Variants in RMDN2 observed in about 807,000 individuals in gnomAD.
RMDN2 encodes the protein regulator of microtubule dynamics 2.
A neutral mutation model predicts 52.8 loss-of-function variants in RMDN2; 61 were observed. The ratio of observed to expected loss-of-function variants is 1.16; its 90% CI spans 0.94 to 1.43. RMDN2 has a LOEUF of 1.43. Among genes scored for constraint, RMDN2 ranks in the 40% most tolerant of loss-of-function variants. RMDN2 has a pLI of 0.00. For missense variants in RMDN2, 592 were observed against 475.3 expected (o/e 1.25, Z -2.28); for synonymous variants, 180 against 153.1 (o/e 1.18, Z -1.30).
chr2:37,937,389 G>T (rs913085002), intron 2 of RMDN2, among the ~76,000 whole-genome samples: 1 of 152,048 alleles, frequency 6.6e-6, no homozygotes, highest in Non-Finnish European at 1.5e-5. Flanking sequence ...GTTCCTTTTT[G>T]GTTCCATATG....
intron 10 of RMDN2, among the ~76,000 whole-genome samples, chr2:38,057,174 A>G (rs1306613705): frequency 6.6e-6 from 1 of 152,212 alleles, no homozygotes; most frequent in African/African-American, 2.4e-5. Context: ...TGAGAAATAG[A>G]TGGTGCAGAC....
chr2:37,948,827 G>T (rs868801364), intron 2 of RMDN2, among the ~76,000 whole-genome samples: 1 of 152,064 alleles, frequency 6.6e-6, no homozygotes, highest in Non-Finnish European at 1.5e-5. Context: ...GAATAAGGTC[G>T]GGGGAGTGAT....
At chr2:37,937,837 A>C (rs940773761) in intron 2 of RMDN2, among the ~76,000 whole-genome samples, 1 of 152,202 alleles carries the variant, frequency 6.6e-6, no homozygotes, top group Admixed American at 6.5e-5. Flanking sequence ...ATCTGCAAAC[A>C]GAGATAATTT....
At chr2:37,991,337 T>C in intron 7 of RMDN2, 40 bp downstream of exon 7, 1 of 1,003,506 alleles carries the variant, frequency 1.0e-6, no homozygotes, top group Non-Finnish European at 1.4e-6. Context: ...TATTTGAATA[T>C]ACTATGATTA....
intron 2 of RMDN2, among the ~76,000 whole-genome samples, chr2:37,932,983 G>A (rs562745340): frequency 6.6e-6 from 1 of 151,366 alleles, no homozygotes; most frequent in South Asian, 2.1e-4. Flanking sequence ...CCCAGACGGG[G>A]TGGCTGCTGG....
At chr2:37,952,237 C>T (rs1668922108) in intron 2 of RMDN2, 3 of 1,599,904 alleles carry the variant, frequency 1.9e-6, no homozygotes, top group Non-Finnish European at 2.6e-6. Context: ...AGAAGGGCAC[C>T]TCAAATAGTT....
chr2:38,014,134 C>T (rs773985863), intron 10 of RMDN2, among the ~76,000 whole-genome samples: 1 of 152,056 alleles, frequency 6.6e-6, no homozygotes, highest in Non-Finnish European at 1.5e-5. Context: ...ATCTCTTGAA[C>T]CTGGGAGGCA....
At chr2:37,990,886 G>A (rs1484337208) in intron 6 of RMDN2, among the ~76,000 whole-genome samples, 1 of 152,078 alleles carries the variant, frequency 6.6e-6, no homozygotes, top group Non-Finnish European at 1.5e-5. Flanking sequence ...CATGTCATTT[G>A]ATATTTGTAA....
At chr2:37,950,972 C>A (rs1054962617) in intron 2 of RMDN2, among the ~76,000 whole-genome samples, 4 of 152,046 alleles carry the variant, frequency 2.6e-5, no homozygotes, top group Non-Finnish European at 5.9e-5. Context: ...TTTTCAACTT[C>A]TCTTCCCAAG....
rs115115092 is a variant in RMDN2 at position 38,001,212 on chromosome 2, C to T, written c.1045-2779C>T. On this transcript the variant is annotated intron_variant, in intron 8 of 10. Coordinates refer to ENST00000354545, the MANE Select transcript of RMDN2 (RefSeq NM_001170791.3). Reference sequence around the variant, plus strand: ...TATTAAGCACATAACTAGTGCCAAACATGGCATCAAATACTGGGAACACAG... The same window carrying T: ...TATTAAGCACATAACTAGTGCCAAATATGGCATCAAATACTGGGAACACAG... 5.9e-3 allele frequency among the ~76,000 whole-genome samples: 900 copies of T among 152,332 alleles called. 11 individuals are homozygous for T. The highest frequency in any genetic ancestry group is 0.02 in the African/African-American group (844 of 41,572).
At chr2:38,048,845 A>G (rs559361442) in intron 10 of RMDN2, among the ~76,000 whole-genome samples, 3 of 152,258 alleles carry the variant, frequency 2.0e-5, no homozygotes, top group Non-Finnish European at 4.4e-5. Context: ...CTACAAATCT[A>G]TGAGTTGGCA....
intron 10 of RMDN2, 87 bp downstream of exon 10, chr2:38,004,303 T>G (rs761747850): frequency 5.0e-5 from 42 of 848,028 alleles, no homozygotes; most frequent in Non-Finnish European, 8.0e-5. Context: ...GATACATTTG[T>G]AGTTTTCTCT....
intron 5 of RMDN2, among the ~76,000 whole-genome samples, chr2:37,987,863 A>T (rs529008319): frequency 6.8e-6 from 1 of 146,002 alleles, no homozygotes; most frequent in South Asian, 2.2e-4. Flanking sequence ...GTTCGAGACC[A>T]GTCTGGCCAA....
chr2:37,962,814 C>T (rs146885719), intron 2 of RMDN2, among the ~76,000 whole-genome samples: 7 of 152,242 alleles, frequency 4.6e-5, no homozygotes, highest in African/African-American at 1.7e-4. Flanking sequence ...TGCTTGAAAC[C>T]CAGGGCCCTT....
In RMDN2 at chr2:38,038,190, G is replaced by A. The variant is rs192258719; in HGVS notation, c.1714-28792G>A. 4.2e-4 allele frequency among the ~76,000 whole-genome samples: 64 copies of A among 152,230 alleles called. 2 individuals are homozygous for A. The East Asian group carries it at 0.01, about 25-fold the overall frequency. On this transcript the variant is annotated intron_variant, in intron 10 of 10. Coordinates refer to the RMDN2 transcript ENST00000234195. ...ATCTCAAGCCCAGGGGAGGGCTTCC[G>A]GGACTTTCCACTGGAGGCTCTTAGA...
chr2:37,929,845 A>AG, intron 2 of RMDN2, 116 bp downstream of exon 2: 1 of 672,092 alleles, frequency 1.5e-6, no homozygotes, highest in Admixed American at 3.5e-5. Context: ...TAAAATGAAA[A>AG]GGAGTGATAT....
intron 2 of RMDN2, chr2:37,951,571 G>T (rs775026429): frequency 6.2e-7 from 1 of 1,612,970 alleles, no homozygotes; most frequent in Non-Finnish European, 8.5e-7. Flanking sequence ...CATTGTGGTA[G>T]CTTTATTTCC....
At chr2:38,025,476 T>C (rs949735393) in intron 10 of RMDN2, among the ~76,000 whole-genome samples, 2 of 152,096 alleles carry the variant, frequency 1.3e-5, no homozygotes, top group Admixed American at 6.5e-5. Context: ...GTTTTGTTTT[T>C]GCCTTATTGT....
intron 2 of RMDN2, among the ~76,000 whole-genome samples, chr2:37,931,183 CT>C (rs1666710230): frequency 6.6e-6 from 1 of 152,170 alleles, no homozygotes; most frequent in African/African-American, 2.4e-5. Flanking sequence ...TGGCTCTGCC[CT>C]ATTTGAAAAT....
Sources: allele counts gnomAD v4.1 joint callset (sites outside exome capture counted in the v4.1 genomes callset), GRCh38; gene constraint gnomAD v4.1.1; transcripts MANE v1.5; gene names NCBI Gene and HGNC (gene_info 2026-07-23, HGNC 2026-07-21).